Variants in CHAF1A observed in about 807,000 individuals in gnomAD.
CHAF1A encodes the protein CAF-1 subunit A.
A neutral mutation model predicts 93.2 loss-of-function variants in CHAF1A; 5 were observed. That is an observed-to-expected ratio of 0.05 (90% CI 0.03 to 0.11). The LOEUF (loss-of-function observed/expected upper bound fraction) is 0.11, where lower values mean the gene tolerates loss of function less well. Among genes scored for constraint, CHAF1A ranks in the 10% least tolerant of loss-of-function variants. The probability of loss-of-function intolerance (pLI) is 1.00; values close to 1 mark genes in which losing one functional copy is unlikely to be tolerated. For missense variants in CHAF1A, 1,102 were observed against 1,259.9 expected (o/e 0.87, Z 1.90); for synonymous variants, 504 against 510.3 (o/e 0.99, Z 0.17).
chr19:4,447,826 C>T, downstream of CHAF1A: 1 of 592,276 alleles, frequency 1.7e-6, no homozygotes, highest in Non-Finnish European at 3.0e-6. Context: ...ACCCCTGGTG[C>T]CAGCAGGAGC....
At chr19:4,415,785 G>T (rs1278720153) in intron 3 of CHAF1A, among the ~76,000 whole-genome samples, 3 of 152,174 alleles carry the variant, frequency 2.0e-5, no homozygotes, top group Admixed American at 6.5e-5. Flanking sequence ...AAAGGACTCA[G>T]TGGGACCCAG....
Position 4,431,920 on chromosome 19 carries a change from C to T in CHAF1A, c.1948-32C>T, listed in dbSNP as rs778136381. 7 of 1,573,180 alleles carry T rather than the reference C, an allele frequency of 4.4e-6. No individual in the cohort carries two copies. In the South Asian group the frequency reaches 5.7e-5, roughly 13 times the overall value. On this transcript the variant is annotated intron_variant, in intron 11 of 14. Coordinates refer to ENST00000301280, the MANE Select transcript of CHAF1A (RefSeq NM_005483.3). ...TGCCCGGGCATAGGGGAGCAAGAAC[C>T]CCAAATAAACTTCTGCTTTCTAAAC...
In CHAF1A at chr19:4,442,963, G is replaced by A. The variant is rs1330779150; in HGVS notation, c.2809G>A (p.Gly937Ser). 1.2e-6 allele frequency: 2 copies of A among 1,604,962 alleles called. No homozygotes were observed. The change falls in exon 15 of 15, where the codon GGT (glycine) becomes AGT (serine). Residue 937 changes from glycine (G) to serine (S), a missense_variant. Coordinates refer to ENST00000301280, the MANE Select transcript of CHAF1A (RefSeq NM_005483.3). The part of the protein sequence containing the change: ...APCGAASGAG[G>S]GVGVDTGKAT... ...GTGTGGAGCCGCTTCCGGAGCTGGG[G>A]GTGGTGTGGGGGTGGACACCGGCAA...
intron 3 of CHAF1A, among the ~76,000 whole-genome samples, chr19:4,411,550 A>G (rs1973798261): frequency 6.7e-6 from 1 of 150,322 alleles, no homozygotes; most frequent in African/African-American, 2.4e-5. Flanking sequence ...ATTTTTCTGA[A>G]TGACTTCATT....
chr19:4,424,313 C>G (rs551339931), intron 7 of CHAF1A, among the ~76,000 whole-genome samples: 1 of 152,304 alleles, frequency 6.6e-6, no homozygotes, highest in East Asian at 1.9e-4. Flanking sequence ...CCCTCCTTCC[C>G]CTTTACCCAG....
At chr19:4,416,728 T>A (rs1381628095) in intron 3 of CHAF1A, among the ~76,000 whole-genome samples, 1 of 151,902 alleles carries the variant, frequency 6.6e-6, no homozygotes, top group Non-Finnish European at 1.5e-5. Flanking sequence ...CTATCTCCAC[T>A]AAAAATACAA....
chr19:4,434,035 T>C (rs1377232079), intron 13 of CHAF1A, among the ~76,000 whole-genome samples: 1 of 152,118 alleles, frequency 6.6e-6, no homozygotes, highest in Non-Finnish European at 1.5e-5. Context: ...CCTCCCAGAA[T>C]GGTGCATTGG....
At position 4,423,837 on chromosome 19, in the gene CHAF1A, G is replaced by A; in HGVS notation, c.1340G>A (p.Arg447Lys). The A allele has an allele frequency of 6.2e-7, 1 of 1,614,122 alleles. No homozygotes were observed. The highest frequency in any genetic ancestry group is 1.1e-5 in the South Asian group (1 of 91,084). ...AAAGCAGAGAAGGCCGAAATCACGA[G>A]GTTCTTCCAGAAACCAAAGACTCCA... ...RIKAEKAEIT[R>K]FFQKPKTPQA... Residue 447 changes from arginine to lysine, a missense_variant, in exon 7 of 15, where the codon AGG (arginine) becomes AAG (lysine). This residue lies in a region of CHAF1A where 165 missense variants were observed against 243.9 expected (regional missense o/e 0.68). Transcript: ENST00000301280.
chr19:4,426,414 C>T lies in CHAF1A; in HGVS notation c.1378-2250C>T, dbSNP rs148620421. ...CGATCTCCTGACCTTGTGATCCGCCCGCCTCGGCCTCCCAAAGGGCTGGGA... is the reference window on the plus strand; with the variant it reads ...CGATCTCCTGACCTTGTGATCCGCCTGCCTCGGCCTCCCAAAGGGCTGGGA... On this transcript the variant is annotated intron_variant, in intron 7 of 14. Coordinates refer to ENST00000301280, the MANE Select transcript of CHAF1A (RefSeq NM_005483.3). Among the ~76,000 whole-genome samples the T allele has an allele frequency of 9.1e-3, 1,381 of 151,800 alleles. 18 individuals carry two copies. The highest frequency in any genetic ancestry group is 0.032 in the African/African-American group (1,319 of 41,388).
At chr19:4,432,946 A>T (rs1279966183) in intron 12 of CHAF1A, 124 bp from the exon 13 acceptor site, 12 of 734,106 alleles carry the variant, frequency 1.6e-5, no homozygotes, top group Non-Finnish European at 1.3e-5. Flanking sequence ...GAGGCCACCT[A>T]TCCCCGAAGC....
chr19:4,411,642 A>ATTTTTTTTTTTTTTTTTTTT lies in CHAF1A; in HGVS notation c.960+1884_960+1885insTTTTTTTTTTTTTTTTTTTT, dbSNP rs1202069647. ...ATGAAATGTTGTAAAAATGGTGCAA[A>ATTTTTTTTTTTTTTTTTTTT]TCTTTTTTTTTTTTTTTTTTTTTGA... On this transcript the variant is annotated intron_variant, in intron 3 of 14. Transcript: ENST00000301280. Among the ~76,000 whole-genome samples, 61 of 38,036 alleles carry ATTTTTTTTTTTTTTTTTTTT rather than the reference A, an allele frequency of 1.6e-3. 1 individual carries two copies. Among genetic ancestry groups the ATTTTTTTTTTTTTTTTTTTT allele is most frequent in the Non-Finnish European group, 3.0e-3 (50 of 16,684 alleles). 25.0% of individuals were successfully genotyped at this position (38,036 alleles called of 152,430 possible).
At chr19:4,441,146 A>T (rs1974380973) in intron 13 of CHAF1A, among the ~76,000 whole-genome samples, 1 of 151,830 alleles carries the variant, frequency 6.6e-6, no homozygotes, top group Admixed American at 6.6e-5. Flanking sequence ...GTGAAACCCC[A>T]TCTCTACTAA....
chr19:4,408,672 A>G lies in CHAF1A; in HGVS notation c.104-231A>G, dbSNP rs567327978. 8.7e-5 allele frequency among the ~76,000 whole-genome samples: 13 copies of G among 150,188 alleles called. No individual in the cohort carries two copies. The South Asian group carries it at 2.5e-3, about 29-fold the overall frequency. On this transcript the variant is annotated intron_variant, in intron 2 of 14. Transcript: ENST00000301280. ...GTAGTTTTAGAAAAGACGGGGTTTC[A>G]CCATTTTGGTCTGGCTGGTCTCAAA...
chr19:4,446,071 A>G, downstream of CHAF1A: 1 of 1,612,540 alleles, frequency 6.2e-7, no homozygotes, highest in Non-Finnish European at 8.5e-7. Flanking sequence ...GTTCAAGGCC[A>G]GGTTCTCGTC....
chr19:4,448,918 C>A (rs1974598561), downstream of CHAF1A: 1 of 161,180 alleles, frequency 6.2e-6, no homozygotes, highest in Admixed American at 5.9e-5. Context: ...GCAGAGAGGA[C>A]ACAAATGAGT....
chr19:4,445,922 A>T, downstream of CHAF1A: 2 of 1,435,970 alleles, frequency 1.4e-6, no homozygotes, highest in Non-Finnish European at 1.9e-6. Context: ...CAGGATTCAA[A>T]CCCAGGGACC....
chr19:4,442,438 CTG>C (rs1242669831), intron 14 of CHAF1A, 97 bp downstream of exon 14: 2 of 1,018,278 alleles, frequency 2.0e-6, no homozygotes, highest in Non-Finnish European at 3.0e-6. Flanking sequence ...ACTAGCTCCA[CTG>C]TGAGCAGCCA....
At chr19:4,411,644 C>CTTTTTTTGTTTTTTTTTTTTTT (rs1973802289) in intron 3 of CHAF1A, among the ~76,000 whole-genome samples, 1 of 48,204 alleles carries the variant, frequency 2.1e-5, no homozygotes, top group Non-Finnish European at 4.1e-5. Flanking sequence ...TGGTGCAAAT[C>CTTTTTTTGTTTTTTTTTTTTTT]TTTTTTTTTT....
chr19:4,446,504 G>GCCTCTGCTCCCGCTTGATCT (rs772192657), downstream of CHAF1A: 4 of 1,607,570 alleles, frequency 2.5e-6, 1 homozygote, highest in South Asian at 3.3e-5. Flanking sequence ...GCCCACCTGA[G>GCCTCTGCTCCCGCTTGATCT]CCTCTGCTCC....
Sources: allele counts gnomAD v4.1 joint callset (sites outside exome capture counted in the v4.1 genomes callset), GRCh38; gene constraint gnomAD v4.1.1; regional missense constraint gnomAD v4.1.1; transcripts MANE v1.5; gene names NCBI Gene and HGNC (gene_info 2026-07-23, HGNC 2026-07-21).